The following MRPL34 variants were observed in gnomAD, a reference collection of about 807,000 sequenced individuals.
MRPL34 encodes mitochondrial ribosomal protein L34.
A neutral mutation model predicts 6.7 loss-of-function variants in MRPL34; 8 were observed. The observed-to-expected ratio is 1.20, with a 90% CI of 0.70 to 2.16. The LOEUF (loss-of-function observed/expected upper bound fraction) is 2.16. Among genes scored for constraint, MRPL34 ranks in the 30% most tolerant of loss-of-function variants. The pLI is 0.00. For synonymous variants in MRPL34, 59 were observed against 55.1 expected, an observed-to-expected ratio of 1.07 and a Z score of -0.31; for missense variants, 146 against 125.5, an observed-to-expected ratio of 1.16 and a Z score of -0.78.
At position 17,306,242 on chromosome 19, in the gene MRPL34, G is replaced by A; in HGVS notation, c.142G>A (p.Ala48Thr). The A allele has an allele frequency of 6.3e-7, 1 of 1,583,734 alleles. No homozygotes were observed. Among genetic ancestry groups the A allele is most frequent in the Non-Finnish European group, 8.6e-7 (1 of 1,165,614 alleles). ...CACCCCGCAGCAGGCCCGGGGCAAG[G>A]CTCGCGGGAATGAGTATCAGCCGAG... ...LPTPQQARGK[A>T]RGNEYQPSNI... is the part of the protein sequence containing the mutation. Residue 48 changes from alanine (A) to threonine (T), a missense_variant, in exon 2 of 2, where the codon GCT becomes ACT. Coordinates refer to ENST00000252602, the MANE Select transcript of MRPL34 (RefSeq NM_023937.4).
At chr19:17,299,967 T>C (rs1280209502), upstream of MRPL34, among the ~76,000 whole-genome samples, 1 of 148,452 alleles carries the variant, frequency 6.7e-6, no homozygotes, top group African/African-American at 2.5e-5. Flanking sequence ...TGGCACAATA[T>C]GATCTTGGCT....
intron 1 of MRPL34, chr19:17,296,386 A>AAGC (rs1264283756): frequency 6.6e-6 from 1 of 152,186 alleles, no homozygotes; most frequent in Non-Finnish European, 1.5e-5. Flanking sequence ...CATGACCCAA[A>AAGC]AGCGGTAAGA....
Position 17,305,911 on chromosome 19 carries a change from T to C in MRPL34, c.19T>C (p.Ser7Pro). ...TGCGGATATGGCTGTCTTGGCTGGA[T>C]CCCTGTTGGGCCCCACGAGTAGGTC... MAVLAG[S>P]LLGPTSRSAA... is the part of the protein sequence containing the mutation. The change falls in exon 1 of 2, where the codon TCC becomes CCC. Residue 7 changes from serine to proline, a missense_variant. Physicochemically the swap from Ser to Pro is moderately conservative, Grantham distance 74. Coordinates refer to ENST00000252602, the MANE Select transcript of MRPL34 (RefSeq NM_023937.4). 6.2e-7 allele frequency: 1 copy of C among 1,614,072 alleles called. No homozygotes were observed.
chr19:17,293,592 GAC>G (rs2074080475), intron 1 of MRPL34, among the ~76,000 whole-genome samples: 1 of 151,938 alleles, frequency 6.6e-6, no homozygotes, highest in Non-Finnish European at 1.5e-5. Flanking sequence ...CCTCAGTCGT[GAC>G]ACCTAAAAAT....
chr19:17,295,954 T>TTCCA (rs1354372892), intron 1 of MRPL34, among the ~76,000 whole-genome samples: 1 of 151,862 alleles, frequency 6.6e-6, no homozygotes, highest in Non-Finnish European at 1.5e-5. Context: ...CAAGTGATCC[T>TTCCA]CTGGCCTTAA....
At chr19:17,294,261 T>G in intron 1 of MRPL34, 1 of 1,588,644 alleles carries the variant, frequency 6.3e-7, no homozygotes, top group South Asian at 1.1e-5. Flanking sequence ...GATTTGTAGC[T>G]GTGGCGCCCC....
intron 1 of MRPL34, chr19:17,294,515 TG>T (rs767189361): frequency 5.0e-6 from 8 of 1,613,430 alleles, no homozygotes; most frequent in Non-Finnish European, 5.9e-6. Context: ...CTGGTGGTGG[TG>T]GAGGCACCGC....
intron 1 of MRPL34, chr19:17,294,208 C>A: frequency 1.3e-6 from 2 of 1,495,098 alleles, no homozygotes; most frequent in South Asian, 1.3e-5. Flanking sequence ...AGCGCTACCA[C>A]GCCCCCCGCA....
In MRPL34 at chr19:17,306,539, C is replaced by G. The variant is rs1232528097; in HGVS notation, c.*160C>G. The G allele has an allele frequency of 4.8e-6, 3 of 625,290 alleles. No homozygotes were observed. In the South Asian group the frequency reaches 6.3e-5, roughly 13 times the overall value. 38.7% of individuals were successfully genotyped at this position (625,290 alleles called of 1,614,324 possible). ...GTCTGGATGGGAGCTTGCCAAGTCC[C>G]TTTTTAGGCTTTTTAATTAGGAAGC... is the stretch of plus-strand genomic sequence containing the variant. On this transcript the variant is annotated 3_prime_UTR_variant, in exon 2 of 2. Coordinates refer to ENST00000252602, the MANE Select transcript of MRPL34 (RefSeq NM_023937.4).
chr19:17,297,495 C>T (rs189187847), intron 1 of MRPL34, among the ~76,000 whole-genome samples: 116 of 152,092 alleles, frequency 7.6e-4, no homozygotes, highest in Admixed American at 1.3e-3. Flanking sequence ...GGGGTTTCAC[C>T]ATTTTGGCCA....
chr19:17,292,768 G>A (rs1268103031), exon 1 of MRPL34: 3 of 1,613,802 alleles, frequency 1.9e-6, no homozygotes, highest in Admixed American at 1.7e-5. Context: ...ACCGTCTCAG[G>A]GCATTCCAGC....
chr19:17,301,218 G>T, upstream of MRPL34: 2 of 1,595,762 alleles, frequency 1.3e-6, no homozygotes, highest in Non-Finnish European at 1.7e-6. Flanking sequence ...CTGCGCTGCC[G>T]GGGGCCAAGC....
upstream of MRPL34, among the ~76,000 whole-genome samples, chr19:17,299,343 C>T (rs2074107221): frequency 6.6e-6 from 1 of 151,290 alleles, no homozygotes; most frequent in Non-Finnish European, 1.5e-5. Flanking sequence ...GGGCGAATCA[C>T]GAGGTCAGGA....
chr19:17,298,305 G>A (rs1441091268), upstream of MRPL34: 1 of 152,094 alleles, frequency 6.6e-6, no homozygotes, highest in East Asian at 1.9e-4. Flanking sequence ...TTTCTTCCTG[G>A]ATAAAGGAGA....
At chr19:17,305,776 G>A, upstream of MRPL34, 1 of 1,000,640 alleles carries the variant, frequency 1.0e-6, no homozygotes, top group Non-Finnish European at 1.5e-6. Context: ...TTTCCCCAAC[G>A]GCCTCTTTTT....
At chr19:17,294,918 G>C in intron 1 of MRPL34, 1 of 1,527,696 alleles carries the variant, frequency 6.5e-7, no homozygotes, top group Non-Finnish European at 8.9e-7. Context: ...TGACCATTTT[G>C]TTTTGCTTTG....
upstream of MRPL34, among the ~76,000 whole-genome samples, chr19:17,298,657 C>T (rs1271477788): frequency 6.6e-6 from 1 of 150,896 alleles, no homozygotes; most frequent in African/African-American, 2.4e-5. Context: ...GCCAGGGATG[C>T]TACTAAACAT....
At chr19:17,297,671 CAAAT>C (rs771487909) in intron 1 of MRPL34, 5 of 151,786 alleles carry the variant, frequency 3.3e-5, no homozygotes, top group South Asian at 2.1e-4. Flanking sequence ...GAAATATAAA[CAAAT>C]AAGAGCTGTT....
upstream of MRPL34, chr19:17,302,171 G>T (rs1568349013): frequency 6.6e-6 from 1 of 152,222 alleles, no homozygotes; most frequent in African/African-American, 2.4e-5. Context: ...GAAAGACTTG[G>T]CTATGGCTTA....
Sources: gnomAD v4.1 joint callset for allele counts (sites outside exome capture counted in the v4.1 genomes callset) on GRCh38, gnomAD v4.1.1 for gene constraint, MANE v1.5 for transcripts, NCBI Gene and HGNC (gene_info 2026-07-23, HGNC 2026-07-21) for gene names.